The following TRAPPC9 variants were observed in gnomAD, a reference collection of about 807,000 sequenced individuals.
TRAPPC9 encodes trafficking protein particle complex subunit 9, also known as IKK2 binding protein.
Under a neutral mutation model 124.0 loss-of-function variants are expected in TRAPPC9, and 83 were observed. That is an observed-to-expected ratio of 0.67 (90% confidence interval 0.56 to 0.80). TRAPPC9 has a LOEUF of 0.80. TRAPPC9 is among the 30% of genes least tolerant of loss of function. TRAPPC9 has a pLI of 0.00. For missense variants in TRAPPC9, 1,302 were observed against 1,508.3 expected (o/e 0.86, Z 2.27); for synonymous variants, 638 against 617.5 (o/e 1.03, Z -0.49).
chr8:140,018,166 C>CT (rs1182856079), intron 18 of TRAPPC9, among the ~76,000 whole-genome samples: 2 of 151,820 alleles, frequency 1.3e-5, no homozygotes, highest in Non-Finnish European at 2.9e-5. Flanking sequence ...TTTAAGTCAT[C>CT]TTTCATTTCT....
chr8:140,187,759 C>T (rs139059769), intron 17 of TRAPPC9, among the ~76,000 whole-genome samples: 4 of 152,278 alleles, frequency 2.6e-5, no homozygotes, highest in East Asian at 3.9e-4. Context: ...ACTGCAGCCT[C>T]GACCTCCTGG....
intron 14 of TRAPPC9, among the ~76,000 whole-genome samples, chr8:140,281,934 C>G (rs1167548331): frequency 2.0e-5 from 3 of 152,142 alleles, no homozygotes; most frequent in African/African-American, 4.8e-5. Flanking sequence ...TGACCTCCCC[C>G]AGCACATGGG....
At chr8:139,971,722 T>TAC (rs577564731) in intron 19 of TRAPPC9, among the ~76,000 whole-genome samples, 13 of 116,040 alleles carry the variant, frequency 1.1e-4, no homozygotes, top group Admixed American at 2.7e-4. Context: ...TATATATATA[T>TAC]ACACACACAC....
At chr8:139,841,924 A>G (rs1013241666) in intron 21 of TRAPPC9, among the ~76,000 whole-genome samples, 3 of 152,244 alleles carry the variant, frequency 2.0e-5, no homozygotes, top group Non-Finnish European at 4.4e-5. Context: ...TTTACTAGAC[A>G]GGGCAGGAGG....
intron 21 of TRAPPC9, among the ~76,000 whole-genome samples, chr8:139,794,453 T>C (rs67080320): frequency 0.097 from 14,791 of 152,252 alleles, 866 homozygotes; most frequent in African/African-American, 0.15. Context: ...AATGGAGGCA[T>C]TCTCGCTTAC....
At chr8:140,457,749 G>C, upstream of TRAPPC9, 2 of 995,888 alleles carry the variant, frequency 2.0e-6, no homozygotes, top group Non-Finnish European at 2.4e-6. Context: ...CCTACTGGCG[G>C]CCGAGCCGGC....
intron 21 of TRAPPC9, among the ~76,000 whole-genome samples, chr8:139,779,853 G>A (rs1052848572): frequency 6.6e-6 from 1 of 152,084 alleles, no homozygotes; most frequent in Non-Finnish European, 1.5e-5. Context: ...ATATACAAAA[G>A]TCAATCGCTT....
At chr8:140,081,455 C>T (rs1361757354) in intron 17 of TRAPPC9, among the ~76,000 whole-genome samples, 2 of 150,406 alleles carry the variant, frequency 1.3e-5, no homozygotes, top group South Asian at 2.1e-4. Context: ...AAGCAATTCT[C>T]GTACCTCAGC....
Position 139,851,840 on chromosome 8 carries a change from G to A in TRAPPC9, c.3055+34039C>T, listed in dbSNP as rs188470529. ...TCATTCAGTCACGCACAGTCTCCCC[G>A]AAGGATCTGGGTGGGCTCTGTGAGG... On this transcript the variant is annotated intron_variant, in intron 21 of 22. Coordinates refer to ENST00000438773, the MANE Select transcript of TRAPPC9 (RefSeq NM_001160372.4). 3.5e-4 allele frequency among the ~76,000 whole-genome samples: 54 copies of A among 152,304 alleles called. 1 individual carries two copies. The highest frequency in any genetic ancestry group is 2.3e-3 in the East Asian group (12 of 5,184).
At chr8:139,843,915 C>T (rs1052691261) in intron 21 of TRAPPC9, among the ~76,000 whole-genome samples, 3 of 152,268 alleles carry the variant, frequency 2.0e-5, no homozygotes, top group Non-Finnish European at 2.9e-5. Context: ...GCCACTGCTG[C>T]AGCTGATGAG....
At chr8:139,852,231 GTCCAATTAAACC>G (rs1346754723) in intron 21 of TRAPPC9, among the ~76,000 whole-genome samples, 1 of 152,186 alleles carries the variant, frequency 6.6e-6, no homozygotes, top group Non-Finnish European at 1.5e-5. Context: ...GGAACTGTGA[GTCCAATTAAACC>G]TCTTTCTTTT....
chr8:139,788,579 TG>T lies in TRAPPC9; in HGVS notation c.3056-56378del, dbSNP rs1407943283. On this transcript the variant is annotated intron_variant, in intron 21 of 22. Coordinates refer to ENST00000438773, the MANE Select transcript of TRAPPC9 (RefSeq NM_001160372.4). The surrounding 1 kb of genome is among the most constrained non-coding windows in gnomAD (Gnocchi z 4.9). ...CAGCAGACCCTGGCATGGAGGTCCGTGGCCACTCCACGACAGCCCATGAAGA... is the reference window on the plus strand; with the variant it reads ...CAGCAGACCCTGGCATGGAGGTCCGTGCCACTCCACGACAGCCCATGAAGA... Among the ~76,000 whole-genome samples, 1 of 152,128 alleles carries T rather than the reference TG, an allele frequency of 6.6e-6. No individual in the cohort carries two copies. The highest frequency in any genetic ancestry group is 1.5e-5 in the Non-Finnish European group (1 of 68,016).
intron 19 of TRAPPC9, among the ~76,000 whole-genome samples, chr8:139,965,825 C>T (rs1234365965): frequency 1.6e-5 from 1 of 61,362 alleles, no homozygotes; most frequent in African/African-American, 3.9e-5. Context: ...AACAGGTTCA[C>T]TGGGGAGGAC....
intron 17 of TRAPPC9, among the ~76,000 whole-genome samples, chr8:140,122,641 C>T (rs1367951705): frequency 6.6e-6 from 1 of 152,192 alleles, no homozygotes; most frequent in African/African-American, 2.4e-5. Flanking sequence ...AAGTGTATAT[C>T]TAAGTCCAAC....
At chr8:139,737,461 A>ACCCCC (rs1818258752) in intron 21 of TRAPPC9, among the ~76,000 whole-genome samples, 1 of 21,690 alleles carries the variant, frequency 4.6e-5, no homozygotes, top group Non-Finnish European at 1.1e-4. Context: ...GGGGGTCATC[A>ACCCCC]GCCCTCCCCC....
intron 21 of TRAPPC9, among the ~76,000 whole-genome samples, chr8:139,856,223 G>A (rs1217568178): frequency 6.6e-6 from 1 of 152,168 alleles, no homozygotes; most frequent in African/African-American, 2.4e-5. Context: ...TGGAGTGGGG[G>A]TGGAGGGGCA....
At chr8:139,892,187 G>T (rs1830396035) in intron 20 of TRAPPC9, among the ~76,000 whole-genome samples, 1 of 152,316 alleles carries the variant, frequency 6.6e-6, no homozygotes, top group East Asian at 1.9e-4. Context: ...TCCTGGCCAG[G>T]GAAATCTCCT....
At position 140,105,839 on chromosome 8, in the gene TRAPPC9, G is replaced by A. The variant is rs2060653583; in HGVS notation, c.2557-81760C>T. Among the ~76,000 whole-genome samples, 4 of 152,264 alleles carry A rather than the reference G, an allele frequency of 2.6e-5. No individual in the cohort carries two copies. In the South Asian group the frequency reaches 8.3e-4, roughly 32 times the overall value. ...AGTCTGAATCTCAGAACACCAGAGG[G>A]TCTGTCCTCAGTGACAGAGGGCCAG... On this transcript the variant is annotated intron_variant, in intron 17 of 22. Coordinates refer to ENST00000438773, the MANE Select transcript of TRAPPC9 (RefSeq NM_001160372.4).
chr8:140,210,606 G>A (rs577701065), intron 17 of TRAPPC9, among the ~76,000 whole-genome samples: 2 of 150,406 alleles, frequency 1.3e-5, no homozygotes, highest in African/African-American at 2.5e-5. Flanking sequence ...CCCTGTACCC[G>A]CACCCCCTTT....
Sources: allele counts gnomAD v4.1 joint callset (sites outside exome capture counted in the v4.1 genomes callset), GRCh38; gene constraint gnomAD v4.1.1; non-coding constraint Gnocchi (gnomAD v3.1); transcripts MANE v1.5; gene names NCBI Gene and HGNC (gene_info 2026-07-23, HGNC 2026-07-21).